Variants in DTNB observed in about 807,000 individuals in gnomAD.
The protein encoded by DTNB is dystrobrevin beta, also known as DTN-B.
Under a neutral mutation model 90.7 loss-of-function variants are expected in DTNB, and 63 were observed. The observed-to-expected ratio is 0.69, with a 90% CI of 0.57 to 0.86. The LOEUF (loss-of-function observed/expected upper bound fraction) is 0.86. Among genes scored for constraint, DTNB ranks in the 40% least tolerant of loss-of-function variants. DTNB has a pLI of 0.00. For missense variants in DTNB, 744 were observed against 807.1 expected (o/e 0.92, Z 0.95); for synonymous variants, 277 against 286.7 (o/e 0.97, Z 0.34).
intron 3 of DTNB, among the ~76,000 whole-genome samples, chr2:25,628,759 T>C (rs1328771280): frequency 6.6e-6 from 1 of 152,238 alleles, no homozygotes; most frequent in East Asian, 1.9e-4. Flanking sequence ...CTGTATTACT[T>C]TAGCCGAGCA....
intron 1 of DTNB, among the ~76,000 whole-genome samples, chr2:25,661,185 T>C (rs1210386447): frequency 2.6e-5 from 4 of 152,220 alleles, no homozygotes; most frequent in African/African-American, 4.8e-5. Context: ...AGGAAGGACT[T>C]TCTAAGCAAA....
chr2:25,647,046 A>G (rs985977263), intron 2 of DTNB, among the ~76,000 whole-genome samples: 26 of 152,264 alleles, frequency 1.7e-4, no homozygotes, highest in Admixed American at 1.6e-3. Context: ...AGACAAAAAC[A>G]TAAGAATTAA....
intron 8 of DTNB, among the ~76,000 whole-genome samples, chr2:25,573,252 G>C (rs184027100): frequency 1.4e-3 from 214 of 152,094 alleles, no homozygotes; most frequent in Non-Finnish European, 2.3e-3. Flanking sequence ...GGCCCACTTG[G>C]GGAACTTTTA....
chr2:25,462,797 G>A (rs1027594955), intron 10 of DTNB, among the ~76,000 whole-genome samples: 5 of 151,550 alleles, frequency 3.3e-5, no homozygotes, highest in African/African-American at 4.8e-5. Context: ...TCCGCCTCCC[G>A]GGTTCACGCC....
intron 12 of DTNB, among the ~76,000 whole-genome samples, chr2:25,449,427 T>C (rs561804668): frequency 6.6e-6 from 1 of 152,362 alleles, no homozygotes; most frequent in Admixed American, 6.5e-5. Context: ...AGCTGTATGA[T>C]TTTATAGGCC....
intron 4 of DTNB, among the ~76,000 whole-genome samples, chr2:25,611,055 A>G (rs921712342): frequency 6.6e-6 from 1 of 152,208 alleles, no homozygotes; most frequent in African/African-American, 2.4e-5. Flanking sequence ...CAGATTTGGC[A>G]GCAATTGAAC....
chr2:25,671,809 C>A (rs1300862522), intron 1 of DTNB, among the ~76,000 whole-genome samples: 3 of 152,166 alleles, frequency 2.0e-5, no homozygotes, highest in Admixed American at 2.0e-4. Context: ...AGTAACCCAA[C>A]AGGCACTGCA....
At chr2:25,538,828 A>G (rs1289680153) in intron 8 of DTNB, among the ~76,000 whole-genome samples, 1 of 151,840 alleles carries the variant, frequency 6.6e-6, no homozygotes, top group Non-Finnish European at 1.5e-5. Flanking sequence ...AACATTAGTC[A>G]CTCTGAAGAC....
At chr2:25,563,727 A>G (rs1240457032) in intron 8 of DTNB, among the ~76,000 whole-genome samples, 1 of 152,106 alleles carries the variant, frequency 6.6e-6, no homozygotes, top group Non-Finnish European at 1.5e-5. Flanking sequence ...CCTCCATTGG[A>G]TGGTCATCAC....
intron 1 of DTNB, among the ~76,000 whole-genome samples, chr2:25,662,365 C>T (rs1402730790): frequency 2.6e-5 from 4 of 151,978 alleles, no homozygotes; most frequent in Admixed American, 2.6e-4. Context: ...TAAAGCAGGG[C>T]TACATTTATC....
At position 25,408,504 on chromosome 2, in the gene DTNB, A is replaced by G. The variant is rs570938956; in HGVS notation, c.1575+11011T>C. ...CAGTGAGCCAAGATCACACCACTGC[A>G]CTCCAGCCTGGACACCAGAGTGAGA... is the stretch of plus-strand genomic sequence containing the variant. On this transcript the variant is annotated intron_variant, in intron 16 of 20. Transcript: ENST00000406818. Among the ~76,000 whole-genome samples, 18 of 126,356 alleles carry G rather than the reference A, an allele frequency of 1.4e-4. 1 individual carries two copies. The highest frequency in any genetic ancestry group is 5.7e-4 in the African/African-American group (18 of 31,576). 82.9% of individuals were successfully genotyped at this position (126,356 alleles called of 152,430 possible). A position where few individuals can be genotyped will look rare whatever the true frequency, so the allele number is the denominator to read the frequency against.
chr2:25,522,848 C>A (rs1210228867), intron 9 of DTNB, among the ~76,000 whole-genome samples: 1 of 151,830 alleles, frequency 6.6e-6, no homozygotes, highest in Admixed American at 6.6e-5. Context: ...TTACAGGGGC[C>A]TACCACGACG....
intron 12 of DTNB, among the ~76,000 whole-genome samples, chr2:25,435,904 C>A (rs2055590482): frequency 1.3e-5 from 2 of 152,182 alleles, no homozygotes; most frequent in South Asian, 4.1e-4. Flanking sequence ...CATTGTAAGG[C>A]AATTCGTATT....
At chr2:25,536,700 AAG>A (rs2079881588) in intron 8 of DTNB, among the ~76,000 whole-genome samples, 1 of 152,128 alleles carries the variant, frequency 6.6e-6, no homozygotes, top group South Asian at 2.1e-4. Context: ...AGACGGTAGA[AAG>A]AGGGAGACAG....
chr2:25,479,568 G>A (rs1293386473), intron 10 of DTNB, among the ~76,000 whole-genome samples: 3 of 152,144 alleles, frequency 2.0e-5, no homozygotes, highest in African/African-American at 7.2e-5. Context: ...GATTATTAGG[G>A]AGGGCAAATC....
intron 5 of DTNB, among the ~76,000 whole-genome samples, chr2:25,604,238 A>G (rs1435960834): frequency 2.0e-5 from 3 of 152,202 alleles, no homozygotes; most frequent in Admixed American, 1.3e-4. Flanking sequence ...CTGAAAAAGC[A>G]TAATAGTCTC....
chr2:25,574,293 T>C (rs1276527160), intron 8 of DTNB, among the ~76,000 whole-genome samples: 1 of 152,136 alleles, frequency 6.6e-6, no homozygotes, highest in African/African-American at 2.4e-5. Flanking sequence ...TGGCACACAG[T>C]AGGTGTTTAA....
chr2:25,536,802 G>C (rs1265165270), intron 8 of DTNB, among the ~76,000 whole-genome samples: 2 of 152,166 alleles, frequency 1.3e-5, no homozygotes, highest in Non-Finnish European at 2.9e-5. Context: ...GAGTGCAGTG[G>C]GGTGATCTCG....
intron 6 of DTNB, 21 bp downstream of exon 6, chr2:25,596,065 A>G (rs200395817): frequency 3.2e-6 from 5 of 1,569,912 alleles, no homozygotes; most frequent in Non-Finnish European, 4.3e-6. Flanking sequence ...CTAGCCCTAG[A>G]TTCTATAAAA....
Sources: gnomAD v4.1 joint callset for allele counts (sites outside exome capture counted in the v4.1 genomes callset) on GRCh38, gnomAD v4.1.1 for gene constraint, MANE v1.5 for transcripts, NCBI Gene and HGNC (gene_info 2026-07-23, HGNC 2026-07-21) for gene names.